The following CRK variants were observed in gnomAD, a reference collection of about 807,000 sequenced individuals.
CRK encodes CRK proto-oncogene, adaptor protein.
Under a neutral mutation model 29.8 loss-of-function variants are expected in CRK, and 4 were observed. The observed-to-expected ratio is 0.13, with a 90% CI of 0.07 to 0.31. CRK has a LOEUF of 0.31. Among genes scored for constraint, CRK ranks in the 10% least tolerant of loss-of-function variants. The pLI is 1.00. For synonymous variants in CRK, 153 were observed against 164.9 expected (o/e 0.93, Z 0.55); for missense variants, 274 against 396.5 (o/e 0.69, Z 2.62).
chr17:1,445,467 T>C (rs1029471133), intron 1 of CRK, among the ~76,000 whole-genome samples: 2 of 152,164 alleles, frequency 1.3e-5, no homozygotes, highest in Non-Finnish European at 2.9e-5. Flanking sequence ...CATGCACCAA[T>C]AGAAGATGAT....
At chr17:1,423,673 G>C in intron 2 of CRK, 23 bp from the exon 3 acceptor site, 3 of 1,612,194 alleles carry the variant, frequency 1.9e-6, no homozygotes, top group South Asian at 1.1e-5. Context: ...AATAAGGAGA[G>C]CACTTTATTT....
At chr17:1,427,074 A>AAAAAT (rs2073787212) in intron 2 of CRK, among the ~76,000 whole-genome samples, 1 of 107,656 alleles carries the variant, frequency 9.3e-6, no homozygotes, top group Non-Finnish European at 1.9e-5. Context: ...AAAAAAAAAG[A>AAAAAT]TTCTGACATG....
At position 1,436,838 on chromosome 17, in the gene CRK, C is replaced by A; in HGVS notation, c.559G>T (p.Val187Phe). Residue 187 changes from valine (V) to phenylalanine (F), a missense_variant, in exon 2 of 3, where the codon GTC becomes TTC. Physicochemically the swap from Val to Phe is conservative, Grantham distance 50. Around this residue, in one of 3 missense-constraint regions of CRK, gnomAD observed 121 missense variants for 154.3 expected, o/e 0.78. Transcript: ENST00000300574. ...GKRGMIPVPYVEKYRPASASV... is the reference protein window; with the variant it reads ...GKRGMIPVPYFEKYRPASASV... ...GCGGAGGCAGGTCTATACTTCTCGA[C>A]GTAAGGGACTGGAATCATCCCTCTC... 6.3e-7 allele frequency: 1 copy of A among 1,598,502 alleles called. No homozygotes were observed. Among genetic ancestry groups the A allele is most frequent in the South Asian group, 1.1e-5 (1 of 88,454 alleles).
Position 1,451,192 on chromosome 17 carries a change from C to CAAAAAAA in CRK, c.241+4678_241+4684dup, listed in dbSNP as rs10691537. On this transcript the variant is annotated intron_variant, in intron 1 of 2. Coordinates refer to ENST00000300574, the MANE Select transcript of CRK (RefSeq NM_016823.4). ...TCGGTGACAGAGCGAGAAACTGTCTCAAAAAAAAAAAAAAAAAAAGCAATA... is the reference window on the plus strand; with the variant it reads ...TCGGTGACAGAGCGAGAAACTGTCTCAAAAAAAAAAAAAAAAAAAAAAAAAAGCAATA... Among the ~76,000 whole-genome samples, 355 of 66,210 alleles carry CAAAAAAA rather than the reference C, an allele frequency of 5.4e-3. 10 individuals carry two copies. The highest frequency in any genetic ancestry group is 8.8e-3 in the Middle Eastern group (1 of 114). The allele number at this position is 66,210 out of a possible 152,430, so 43.4% of individuals were successfully genotyped here.
In CRK at chr17:1,437,506, G is replaced by C. The variant is rs549985755; in HGVS notation, c.242-351C>G. ...GGGAAGAAAGATGCCCATCACTACA[G>C]CCCCAGGGAAGGATGAGGAGGCCAG... is the stretch of plus-strand genomic sequence containing the variant. On this transcript the variant is annotated intron_variant, in intron 1 of 2. Coordinates refer to ENST00000300574, the MANE Select transcript of CRK (RefSeq NM_016823.4). Among the ~76,000 whole-genome samples the C allele has an allele frequency of 2.6e-5, 4 of 152,226 alleles. No individual in the cohort carries two copies. In the South Asian group the frequency reaches 8.3e-4, roughly 32 times the overall value.
chr17:1,432,771 C>A (rs572086701), intron 2 of CRK, among the ~76,000 whole-genome samples: 1 of 138,868 alleles, frequency 7.2e-6, no homozygotes, highest in Non-Finnish European at 1.5e-5. Context: ...AGCGAGACTC[C>A]GTCTCAAAAA....
intron 1 of CRK, 86 bp downstream of exon 1, chr17:1,455,791 G>A (rs922019334): frequency 1.2e-5 from 17 of 1,388,826 alleles, no homozygotes; most frequent in Admixed American, 1.0e-4. Flanking sequence ...GACCCCCGAG[G>A]GTCCGCTCTC....
In CRK at chr17:1,456,224, G is replaced by C; in HGVS notation, c.-107C>G. 7.8e-7 allele frequency: 1 copy of C among 1,289,642 alleles called. No individual in the cohort carries two copies. Among genetic ancestry groups the C allele is most frequent in the Non-Finnish European group, 9.8e-7 (1 of 1,017,378 alleles). The allele number at this position is 1,289,642 out of a possible 1,614,324, so 79.9% of individuals were successfully genotyped here. On this transcript the variant is annotated 5_prime_UTR_variant, in exon 1 of 3. Transcript: ENST00000300574. The stretch of plus-strand genomic sequence containing the variant: ...GCTCCGGTTTCAGCTTCACAGCAGC[G>C]CCCGAAATGGCGGCGGCAGCCGCGG...
chr17:1,446,623 G>A (rs1263898214), intron 1 of CRK, among the ~76,000 whole-genome samples: 2 of 131,842 alleles, frequency 1.5e-5, no homozygotes, highest in Non-Finnish European at 3.1e-5. Context: ...GCGGAGTCTC[G>A]CTCTTTCGCC....
chr17:1,442,980 C>A (rs1230002157), intron 1 of CRK, among the ~76,000 whole-genome samples: 1 of 100,558 alleles, frequency 9.9e-6, no homozygotes, highest in Non-Finnish European at 2.4e-5. Flanking sequence ...ACCTCCCTTT[C>A]TTTCTTTTTT....
chr17:1,424,221 C>T lies in CRK; in HGVS notation c.778-571G>A, dbSNP rs182068790. Among the ~76,000 whole-genome samples, 28 of 152,152 alleles carry T rather than the reference C, an allele frequency of 1.8e-4. No homozygotes were observed. In the East Asian group the frequency reaches 3.7e-3, roughly 20 times the overall value. ...AGCTGGGACTACAGGCGCCTGCCAC[C>T]GTGCCCAGCTAATTTTTGTATTTTT... On this transcript the variant is annotated intron_variant, in intron 2 of 2. Transcript: ENST00000300574.
intron 1 of CRK, among the ~76,000 whole-genome samples, chr17:1,440,483 T>C (rs959199051): frequency 6.0e-5 from 9 of 149,838 alleles, no homozygotes; most frequent in Middle Eastern, 3.7e-3. Context: ...AAAAAATAAA[T>C]GTTTGAAAAA....
At position 1,423,293 on chromosome 17, in the gene CRK, T is replaced by C. The variant is rs2073745647; in HGVS notation, c.*220A>G. ...CAGGCACGACCACTACCGCCTCCAA[T>C]TGCCAATTCAGAAGCTAACACACAA... On this transcript the variant is annotated 3_prime_UTR_variant, in exon 3 of 3. Transcript: ENST00000300574. 10 of 603,408 alleles carry C rather than the reference T, an allele frequency of 1.7e-5. No homozygotes were observed. Among genetic ancestry groups the C allele is most frequent in the South Asian group, 2.3e-5 (1 of 44,330 alleles). The allele number at this position is 603,408 out of a possible 1,614,324, so 37.4% of individuals were successfully genotyped here. A position where few individuals can be genotyped will look rare whatever the true frequency, so the allele number is the denominator to read the frequency against.
In CRK at chr17:1,452,687, G is replaced by A. The variant is rs548357088; in HGVS notation, c.241+3190C>T. 4.7e-4 allele frequency among the ~76,000 whole-genome samples: 71 copies of A among 152,228 alleles called. 1 individual carries two copies. The highest frequency in any genetic ancestry group is 1.6e-3 in the African/African-American group (67 of 41,552). The stretch of plus-strand genomic sequence containing the variant: ...CGCCTGTAATTCCAGCTACTCAGGA[G>A]GCTGAGGCAGGAGAATTGATTAAAC... On this transcript the variant is annotated intron_variant, in intron 1 of 2. Transcript: ENST00000300574.
intron 2 of CRK, among the ~76,000 whole-genome samples, chr17:1,434,017 T>C (rs2073868212): frequency 6.6e-6 from 1 of 152,040 alleles, no homozygotes; most frequent in South Asian, 2.1e-4. Flanking sequence ...AGCCTGTTGT[T>C]TTTGCAGCTT....
intron 1 of CRK, among the ~76,000 whole-genome samples, chr17:1,455,529 C>A (rs1335745493): frequency 6.6e-6 from 1 of 152,184 alleles, no homozygotes; most frequent in South Asian, 2.1e-4. Context: ...CCAAGTGATG[C>A]CCCCGCAGTG....
At position 1,444,599 on chromosome 17, in the gene CRK, G is replaced by C. The variant is rs1213257734; in HGVS notation, c.242-7444C>G. Among the ~76,000 whole-genome samples, 5 of 149,824 alleles carry C rather than the reference G, an allele frequency of 3.3e-5. No individual in the cohort carries two copies. In the East Asian group the frequency reaches 5.9e-4, roughly 18 times the overall value. On this transcript the variant is annotated intron_variant, in intron 1 of 2. Transcript: ENST00000300574. ...CAGCACTTTGGGAAGCCGAAGCGGG[G>C]GGGGGGATCACCTGAGATCGGGAGT...
chr17:1,427,056 A>C (rs1568007939), intron 2 of CRK, among the ~76,000 whole-genome samples: 3 of 71,224 alleles, frequency 4.2e-5, no homozygotes, highest in African/African-American at 1.9e-4. Context: ...AAAAAAAAAA[A>C]AAAAAAAAAA....
intron 1 of CRK, among the ~76,000 whole-genome samples, chr17:1,447,511 C>A (rs2073984351): frequency 6.6e-6 from 1 of 151,994 alleles, no homozygotes; most frequent in Non-Finnish European, 1.5e-5. Context: ...TGAAGAACAC[C>A]TGAGGGCTCT....
Sources: allele counts gnomAD v4.1 joint callset (sites outside exome capture counted in the v4.1 genomes callset), GRCh38; gene constraint gnomAD v4.1.1; regional missense constraint gnomAD v4.1.1; transcripts MANE v1.5; gene names NCBI Gene and HGNC (gene_info 2026-07-23, HGNC 2026-07-21).